LHX8: variants seen among roughly 807,000 people sequenced by gnomAD.
The protein encoded by LHX8 is LIM homeobox 8.
In LHX8, 12 loss-of-function variants were observed where a neutral mutation model predicts 40.3. That is an observed-to-expected ratio of 0.30 (90% CI 0.19 to 0.48). The LOEUF (loss-of-function observed/expected upper bound fraction) is 0.48, where lower values mean the gene tolerates loss of function less well. Ranked by LOEUF, LHX8 falls within the 20% of genes least tolerant of loss-of-function variation. LHX8 has a pLI of 0.99. For synonymous variants in LHX8, 179 were observed against 162.0 expected, an observed-to-expected ratio of 1.10 and a Z score of -0.80; for missense variants, 344 against 433.7, an observed-to-expected ratio of 0.79 and a Z score of 1.84.
chr1:75,177,457 G>A, the LHX8 span, among the ~76,000 whole-genome samples: 1 of 152,018 alleles, frequency 6.6e-6, no homozygotes, highest in Non-Finnish European at 1.5e-5. Context: ...GAGTTCACTC[G>A]TGAATTGGCT....
chr1:75,136,582 T>C (rs1231775676), intron 1 of LHX8, 21 bp from the exon 2 acceptor site: 1 of 1,518,588 alleles, frequency 6.6e-7, no homozygotes, highest in Non-Finnish European at 8.9e-7. Flanking sequence ...CTCCATACTT[T>C]CTCCCCCTCC....
At chr1:75,185,558 G>T in the LHX8 span, among the ~76,000 whole-genome samples, 2 of 151,810 alleles carry the variant, frequency 1.3e-5, no homozygotes, top group Admixed American at 6.6e-5. Flanking sequence ...AATAATAAGC[G>T]CCATCTATGG....
At chr1:75,135,107 T>A (rs990823623) in intron 1 of LHX8, among the ~76,000 whole-genome samples, 153 bp downstream of exon 1, 1 of 152,140 alleles carries the variant, frequency 6.6e-6, no homozygotes, top group African/African-American at 2.4e-5. Context: ...CACACCTCCC[T>A]CTGCGGGGCT....
upstream of LHX8, chr1:75,130,820 A>T: frequency 7.6e-7 from 1 of 1,316,044 alleles, no homozygotes; most frequent in Non-Finnish European, 1.1e-6. Context: ...GATGGGCAAA[A>T]ATCCAAAGAC....
At chr1:75,150,630 G>T (rs1031030684) in intron 7 of LHX8, among the ~76,000 whole-genome samples, 1 of 151,978 alleles carries the variant, frequency 6.6e-6, no homozygotes, top group African/African-American at 2.4e-5. Context: ...GAGATGGCCA[G>T]CTGTGTCAAG....
chr1:75,130,910 A>G, upstream of LHX8: 1 of 691,666 alleles, frequency 1.4e-6, no homozygotes, highest in Non-Finnish European at 2.6e-6. Flanking sequence ...TCAGGGATCG[A>G]AGGAGTCGCC....
upstream of LHX8, chr1:75,131,405 G>C (rs934877530): frequency 6.5e-6 from 1 of 154,800 alleles, no homozygotes; most frequent in African/African-American, 2.4e-5. Context: ...TGCTAATTCG[G>C]ATCTATTGCT....
upstream of LHX8, chr1:75,130,520 C>A (rs914214377): frequency 1.5e-6 from 1 of 657,764 alleles, no homozygotes; most frequent in Non-Finnish European, 2.8e-6. Context: ...AAACCTCAGT[C>A]TTGGCCCACA....
downstream of LHX8, among the ~76,000 whole-genome samples, chr1:75,165,751 G>A (rs926483969): frequency 5.9e-5 from 9 of 152,118 alleles, no homozygotes; most frequent in East Asian, 1.9e-4. Context: ...ATGTTTGAGC[G>A]TCCTAGGATA....
In LHX8 at chr1:75,143,350, C is replaced by CTCAAAAGTAT; in HGVS notation, c.580+13_580+14insCAAAAGTATT. On this transcript the variant is annotated intron_variant, in intron 5 of 8. Transcript: ENST00000356261. Reference sequence around the variant, plus strand: ...AGAAGTAGAAAATGGTAAATATGTACTTAAATACTTTTGAGTCTTTTGAGA... The same window carrying CTCAAAAGTAT: ...AGAAGTAGAAAATGGTAAATATGTACTCAAAAGTATTTAAATACTTTTGAGTCTTTTGAGA... The CTCAAAAGTAT allele has an allele frequency of 2.5e-6, 4 of 1,586,228 alleles. No individual in the cohort carries two copies. Among genetic ancestry groups the CTCAAAAGTAT allele is most frequent in the Non-Finnish European group, 3.5e-6 (4 of 1,157,942 alleles).
the LHX8 span, among the ~76,000 whole-genome samples, chr1:75,187,679 A>G: frequency 1.3e-5 from 2 of 152,130 alleles, no homozygotes; most frequent in Non-Finnish European, 2.9e-5. Context: ...GGAGTGGAGA[A>G]GAAATGCTGT....
intron 7 of LHX8, among the ~76,000 whole-genome samples, chr1:75,153,798 C>T (rs537759352): frequency 1.2e-4 from 19 of 152,216 alleles, no homozygotes; most frequent in South Asian, 2.1e-4. Context: ...CAATTATTTA[C>T]GCCTAAACTT....
chr1:75,142,752 T>C (rs1372275707), intron 4 of LHX8, among the ~76,000 whole-genome samples: 5 of 152,316 alleles, frequency 3.3e-5, no homozygotes, highest in South Asian at 2.1e-4. Flanking sequence ...TTTTGCACTT[T>C]TAGATTTTCA....
chr1:75,156,077 A>G lies in LHX8; in HGVS notation c.781-816A>G, dbSNP rs147891465. ...TGTCCTAAATACCAGTAGTAAAACC[A>G]AGGAGATTTCTCTGGAATTCTTGAG... On this transcript the variant is annotated intron_variant, in intron 7 of 8. Coordinates refer to ENST00000356261, the MANE Select transcript of LHX8 (RefSeq NM_001256114.2). Among the ~76,000 whole-genome samples, 827 of 151,960 alleles carry G rather than the reference A, an allele frequency of 5.4e-3. 6 individuals are homozygous for G. The highest frequency in any genetic ancestry group is 0.019 in the African/African-American group (805 of 41,404).
At chr1:75,158,312 G>A (rs541672879) in intron 8 of LHX8, among the ~76,000 whole-genome samples, 1 of 152,086 alleles carries the variant, frequency 6.6e-6, no homozygotes, top group African/African-American at 2.4e-5. Context: ...TATGTGCTTA[G>A]AATATTTTCT....
chr1:75,153,209 G>A (rs1310247876), intron 7 of LHX8, among the ~76,000 whole-genome samples: 2 of 151,996 alleles, frequency 1.3e-5, no homozygotes, highest in African/African-American at 4.8e-5. Context: ...GGACTCAAGC[G>A]ATTCTCCTGC....
chr1:75,178,247 G>A, the LHX8 span, among the ~76,000 whole-genome samples: 5 of 152,138 alleles, frequency 3.3e-5, no homozygotes, highest in Non-Finnish European at 5.9e-5. Context: ...TAGAAGGAAT[G>A]GTACCAGCTC....
intron 7 of LHX8, among the ~76,000 whole-genome samples, chr1:75,153,662 G>T (rs1165227792): frequency 6.6e-6 from 1 of 152,140 alleles, no homozygotes; most frequent in Non-Finnish European, 1.5e-5. Flanking sequence ...TGCCACCTCG[G>T]CCTCCCAAAG....
At chr1:75,131,050 G>T, upstream of LHX8, 1 of 443,148 alleles carries the variant, frequency 2.3e-6, no homozygotes, top group South Asian at 2.3e-5. Flanking sequence ...GGTGAGGGCC[G>T]CGGGCCAGGG....
Sources: allele counts gnomAD v4.1 joint callset (sites outside exome capture counted in the v4.1 genomes callset), GRCh38; gene constraint gnomAD v4.1.1; transcripts MANE v1.5; gene names NCBI Gene and HGNC (gene_info 2026-07-23, HGNC 2026-07-21).